MEP1A: variants seen among roughly 807,000 people sequenced by gnomAD.
MEP1A encodes the protein N-benzoyl-L-tyrosyl-P-amino-benzoic acid hydrolase subunit alpha.
In MEP1A, 68 loss-of-function variants were observed where a neutral mutation model predicts 84.5. That is an observed-to-expected ratio of 0.80 (90% CI 0.66 to 0.98). The LOEUF (loss-of-function observed/expected upper bound fraction) is 0.98. Among genes scored for constraint, MEP1A ranks in the 50% least tolerant of loss-of-function variants. The probability of loss-of-function intolerance (pLI) is 0.00; values close to 1 mark genes in which losing one functional copy is unlikely to be tolerated. For synonymous variants in MEP1A, 337 were observed against 336.8 expected (o/e 1.00, Z -0.01); for missense variants, 887 against 919.9 (o/e 0.96, Z 0.46).
chr6:46,804,456 G>A (rs1477985992), intron 5 of MEP1A, among the ~76,000 whole-genome samples: 1 of 151,562 alleles, frequency 6.6e-6, no homozygotes, highest in Non-Finnish European at 1.5e-5. Flanking sequence ...ACAATTAACA[G>A]TTTTATTTGC....
chr6:46,793,456 G>A lies in MEP1A; in HGVS notation c.58G>A (p.Ala20Thr), dbSNP rs149669155. The change falls in exon 1 of 14, where the codon GCA becomes ACA. Residue 20 changes from alanine (A) to threonine (T), a missense_variant. Transcript: ENST00000230588. ...LFFTLLFAHIAAVPIKYLPEE... is the reference protein window; with the variant it reads ...LFFTLLFAHITAVPIKYLPEE... ...TTTTACCTTGCTTTTTGCCCACATA[G>A]CAGCTGTACCGGTAAGTCGAGTCCT... 1.2e-3 allele frequency: 1,975 copies of A among 1,609,676 alleles called. 46 individuals carry two copies. In the South Asian group the frequency reaches 0.02, roughly 17 times the overall value.
chr6:46,831,551 C>T (rs1160910162), intron 10 of MEP1A, among the ~76,000 whole-genome samples: 1 of 152,152 alleles, frequency 6.6e-6, no homozygotes, highest in Non-Finnish European at 1.5e-5. Context: ...GTAAACGAAA[C>T]CATCTTAATA....
chr6:46,828,535 G>C (rs1767999250), intron 9 of MEP1A, among the ~76,000 whole-genome samples: 1 of 152,160 alleles, frequency 6.6e-6, no homozygotes, highest in Non-Finnish European at 1.5e-5. Flanking sequence ...GAAATGTTTT[G>C]ATGGAAGCAT....
At chr6:46,841,021 T>C (rs982788577), downstream of MEP1A, among the ~76,000 whole-genome samples, 1 of 152,224 alleles carries the variant, frequency 6.6e-6, no homozygotes, top group Non-Finnish European at 1.5e-5. Flanking sequence ...ATTGTCCTTT[T>C]GTTTTATTAA....
chr6:46,842,943 C>A (rs763432104), downstream of MEP1A, among the ~76,000 whole-genome samples: 6 of 152,312 alleles, frequency 3.9e-5, no homozygotes, highest in Non-Finnish European at 5.9e-5. Context: ...AACCATCAAG[C>A]CCACAAATAG....
Position 46,826,335 on chromosome 6 carries a change from A to G in MEP1A, c.779-19A>G. ...ACTATCTTTCATTTTTAACCAGATG[A>G]TAAAAATATAATTTGCAGCCACAAC... On this transcript the variant is annotated intron_variant, in intron 8 of 13. Transcript: ENST00000230588. The G allele has an allele frequency of 1.3e-6, 2 of 1,576,134 alleles. No homozygotes were observed. Among genetic ancestry groups the G allele is most frequent in the Non-Finnish European group, 1.7e-6 (2 of 1,160,472 alleles).
chr6:46,831,418 G>A (rs1157270209), intron 10 of MEP1A, among the ~76,000 whole-genome samples: 1 of 152,094 alleles, frequency 6.6e-6, no homozygotes, highest in Non-Finnish European at 1.5e-5. Flanking sequence ...ACACACACAC[G>A]TTTTTACTGA....
At chr6:46,826,592 T>A (rs1767952878) in intron 9 of MEP1A, 89 bp downstream of exon 9, 2 of 1,170,604 alleles carry the variant, frequency 1.7e-6, no homozygotes, top group South Asian at 5.9e-5. Flanking sequence ...TCAGTCAGAA[T>A]GTTAGTTATC....
At chr6:46,838,056 T>C (rs1295546290) in intron 13 of MEP1A, among the ~76,000 whole-genome samples, 2 of 146,440 alleles carry the variant, frequency 1.4e-5, no homozygotes, top group Non-Finnish European at 3.0e-5. Flanking sequence ...CATGTCTGGC[T>C]ATTTTTTTTT....
In MEP1A at chr6:46,809,503, G is replaced by C; in HGVS notation, c.346G>C (p.Glu116Gln). 6.2e-7 allele frequency: 1 copy of C among 1,609,430 alleles called. No homozygotes were observed. Among genetic ancestry groups the C allele is most frequent in the African/African-American group, 1.3e-5 (1 of 74,826 alleles). ...TGTGGATTTCAAGCCCTATGAAGGA[G>C]AGAGCTCATATATCATATTTCAACA... ...SCVDFKPYEG[E>Q]SSYIIFQQFD... Residue 116 changes from glutamate (E) to glutamine (Q), a missense_variant, in exon 6 of 14, where the codon GAG (glutamate) becomes CAG (glutamine). By Grantham distance (29) the Glu-to-Gln change is conservative. Coordinates refer to ENST00000230588, the MANE Select transcript of MEP1A (RefSeq NM_005588.3).
downstream of MEP1A, among the ~76,000 whole-genome samples, chr6:46,841,300 ATGATTAATGGAAACCTCTGTTGAT>A (rs138411723): frequency 0.63 from 95,175 of 151,092 alleles, 30,344 homozygotes; most frequent in South Asian, 0.73. Context: ...ATCACTTTTG[ATGATTAATGGAAACCTCTGTTGAT>A]TGATTAATGG....
intron 6 of MEP1A, 21 bp downstream of exon 6, chr6:46,809,558 A>G (rs755536094): frequency 2.0e-6 from 3 of 1,494,510 alleles, no homozygotes; most frequent in South Asian, 2.3e-5. Flanking sequence ...AATTTTACGG[A>G]GTGAAAATCA....
chr6:46,842,142 G>A (rs1448416574), downstream of MEP1A, among the ~76,000 whole-genome samples: 1 of 152,080 alleles, frequency 6.6e-6, no homozygotes, highest in Admixed American at 6.6e-5. Flanking sequence ...TTTGTCAGCT[G>A]AGAATGTACA....
chr6:46,807,773 A>AGGG (rs1562106927), intron 5 of MEP1A, among the ~76,000 whole-genome samples: 5 of 39,526 alleles, frequency 1.3e-4, no homozygotes, highest in Admixed American at 2.4e-4. Context: ...GGAGAAAGGA[A>AGGG]AGAAAGAAAG....
rs1451410646 is a variant in MEP1A at position 46,825,265 on chromosome 6, C to G, written c.557-7C>G. On this transcript the variant is annotated splice_polypyrimidine_tract_variant and splice_region_variant and intron_variant, in intron 7 of 13. Transcript: ENST00000230588. ...TGAGAAGGACCTGTGGATTCTCTCC[C>G]TAACAGGTTACCAGCACAACTTTGA... 1 of 1,596,896 alleles carries G rather than the reference C, an allele frequency of 6.3e-7. No homozygotes were observed. Among genetic ancestry groups the G allele is most frequent in the Non-Finnish European group, 8.6e-7 (1 of 1,166,654 alleles).
intron 7 of MEP1A, among the ~76,000 whole-genome samples, chr6:46,824,612 A>C (rs896619431): frequency 7.4e-6 from 1 of 134,974 alleles, no homozygotes; most frequent in Non-Finnish European, 1.5e-5. Context: ...AGATGTATTT[A>C]AATATATATA....
At chr6:46,827,484 C>T (rs1767974464) in intron 9 of MEP1A, among the ~76,000 whole-genome samples, 2 of 152,242 alleles carry the variant, frequency 1.3e-5, no homozygotes, top group South Asian at 4.1e-4. Context: ...TATTTGGAAA[C>T]AGGTGAGGTT....
intron 5 of MEP1A, among the ~76,000 whole-genome samples, chr6:46,800,932 G>A (rs970299063): frequency 2.6e-5 from 4 of 152,060 alleles, no homozygotes; most frequent in Admixed American, 2.6e-4. Flanking sequence ...AATACTATGT[G>A]TCTGGCTTCT....
chr6:46,814,950 T>C (rs1167031391), intron 6 of MEP1A, among the ~76,000 whole-genome samples: 3 of 152,134 alleles, frequency 2.0e-5, no homozygotes, highest in Non-Finnish European at 4.4e-5. Context: ...GGAGGTAGCA[T>C]GGGAATGAAG....
Sources: gnomAD v4.1 joint callset for allele counts (sites outside exome capture counted in the v4.1 genomes callset) on GRCh38, gnomAD v4.1.1 for gene constraint, MANE v1.5 for transcripts, NCBI Gene and HGNC (gene_info 2026-07-23, HGNC 2026-07-21) for gene names.